Variants in GLI3 observed in about 807,000 individuals in gnomAD.
GLI3 encodes GLI family zinc finger 3, also known as transcription activator GLI3.
In GLI3, 20 loss-of-function variants were observed where a neutral mutation model predicts 100.8. The ratio of observed to expected loss-of-function variants is 0.20; its 90% CI spans 0.14 to 0.29. The LOEUF (loss-of-function observed/expected upper bound fraction) is 0.29. GLI3 is among the 10% of genes least tolerant of loss of function. The pLI, the probability that GLI3 is intolerant of heterozygous loss-of-function variation, is 1.00. For missense variants in GLI3, 2,040 were observed against 2,128.5 expected (o/e 0.96, Z 0.82); for synonymous variants, 938 against 860.5 (o/e 1.09, Z -1.58).
chr7:42,005,239 G>C (rs1788421017), intron 10 of GLI3, among the ~76,000 whole-genome samples: 1 of 152,022 alleles, frequency 6.6e-6, no homozygotes, highest in Admixed American at 6.6e-5. Flanking sequence ...ATAGTTATCT[G>C]AACCTTACCG....
chr7:42,258,720 T>C (rs1789111113), intron 1 of GLI3, among the ~76,000 whole-genome samples: 1 of 152,180 alleles, frequency 6.6e-6, no homozygotes, highest in African/African-American at 2.4e-5. Flanking sequence ...CATGACAGAA[T>C]GGGTGAGGGA....
intron 2 of GLI3, among the ~76,000 whole-genome samples, chr7:42,168,916 T>A (rs1199776467): frequency 6.6e-6 from 1 of 152,006 alleles, no homozygotes; most frequent in Non-Finnish European, 1.5e-5. Flanking sequence ...AAATCCTGTC[T>A]CAAAAAAATT....
chr7:42,089,205 C>T (rs570671613), intron 3 of GLI3, among the ~76,000 whole-genome samples: 1 of 152,142 alleles, frequency 6.6e-6, no homozygotes, highest in African/African-American at 2.4e-5. Context: ...CACATGGATG[C>T]GTAATAGTGG....
At chr7:42,146,805 T>C (rs1007913570) in intron 3 of GLI3, among the ~76,000 whole-genome samples, 6 of 152,190 alleles carry the variant, frequency 3.9e-5, no homozygotes, top group African/African-American at 1.4e-4. Flanking sequence ...CTTAGGAATG[T>C]GCTCAGAGAA....
chr7:42,183,556 C>T (rs1787659626), intron 2 of GLI3, among the ~76,000 whole-genome samples: 1 of 152,174 alleles, frequency 6.6e-6, no homozygotes, highest in Non-Finnish European at 1.5e-5. Context: ...AGTCAGAAAT[C>T]CATGCCCCTT....
intron 2 of GLI3, among the ~76,000 whole-genome samples, chr7:42,218,616 T>C (rs1289474281): frequency 6.6e-6 from 1 of 151,798 alleles, no homozygotes; most frequent in Non-Finnish European, 1.5e-5. Context: ...CTTACCAACC[T>C]TGAAGAAAAT....
intron 10 of GLI3, among the ~76,000 whole-genome samples, chr7:41,979,511 A>C (rs1174350953): frequency 6.6e-6 from 1 of 152,246 alleles, no homozygotes. Context: ...ATTACTTACC[A>C]ATTCATGGTT....
At position 42,261,222 on chromosome 7, in the gene GLI3, C is replaced by CAA. The variant is rs1424543513; in HGVS notation, c.-43+2770_-43+2771dup. Among the ~76,000 whole-genome samples, 22 of 140,684 alleles carry CAA rather than the reference C, an allele frequency of 1.6e-4. No individual in the cohort carries two copies. In the East Asian group the frequency reaches 4.0e-3, roughly 26 times the overall value. The allele number at this position is 140,684 out of a possible 152,430, so 92.3% of individuals were successfully genotyped here. ...ACAAACACACACACACACACACACA[C>CAA]AACACACACACAGAGAGAGATTATG... On this transcript the variant is annotated intron_variant, in intron 1 of 2. Transcript: ENST00000678978.
intron 1 of GLI3, among the ~76,000 whole-genome samples, chr7:42,250,774 T>C (rs982811240): frequency 3.0e-4 from 45 of 152,152 alleles, no homozygotes; most frequent in African/African-American, 1.0e-3. Flanking sequence ...GTGGGGGGGC[T>C]GCCATTTTCC....
At chr7:42,122,020 C>T (rs1786012873) in intron 3 of GLI3, among the ~76,000 whole-genome samples, 1 of 152,086 alleles carries the variant, frequency 6.6e-6, no homozygotes, top group Non-Finnish European at 1.5e-5. Context: ...CATTACCTCC[C>T]AGGCTTCCAC....
intron 9 of GLI3, among the ~76,000 whole-genome samples, chr7:42,024,637 T>A (rs1270992960): frequency 6.6e-6 from 1 of 152,138 alleles, no homozygotes; most frequent in Non-Finnish European, 1.5e-5. Flanking sequence ...GATGATATTA[T>A]GGGTATAACC....
rs938059841 is a variant in GLI3 at position 42,009,694 on chromosome 7, C to T, written c.1497+13774G>A. Among the ~76,000 whole-genome samples the T allele has an allele frequency of 2.6e-5, 4 of 152,280 alleles. No individual in the cohort carries two copies. The East Asian group carries it at 5.8e-4, about 22-fold the overall frequency. ...GAAGCCCCAGGAGAACGGGTCTCAT[C>T]GGCGTCATCACTGTCCTCTCAGTTC... On this transcript the variant is annotated intron_variant, in intron 10 of 14. Transcript: ENST00000395925.
chr7:41,965,942 A>G lies in GLI3; in HGVS notation c.3131T>C (p.Leu1044Pro), dbSNP rs1372313472. 6.2e-7 allele frequency: 1 copy of G among 1,612,504 alleles called. No individual in the cohort carries two copies. Among genetic ancestry groups the G allele is most frequent in the Non-Finnish European group, 8.5e-7 (1 of 1,179,824 alleles). ...GGGCCGCGTGTAATTCTGAAGCACGAGACTGCGCTTCTCCGCGGACGTGGC... is the reference window on the plus strand; with the variant it reads ...GGGCCGCGTGTAATTCTGAAGCACGGGACTGCGCTTCTCCGCGGACGTGGC... ...AMATSAEKRS[L>P]VLQNYTRPEG... Residue 1044 changes from leucine (L) to proline (P), a missense_variant, in exon 15 of 15, where the codon CTC becomes CCC. Transcript: ENST00000395925.
intron 2 of GLI3, among the ~76,000 whole-genome samples, chr7:42,177,246 T>C (rs977699367): frequency 3.3e-5 from 5 of 151,916 alleles, no homozygotes; most frequent in Admixed American, 1.3e-4. Context: ...ACATCAAATA[T>C]TGAGAAATAT....
intron 2 of GLI3, among the ~76,000 whole-genome samples, chr7:42,191,404 T>C (rs374035971): frequency 6.6e-6 from 1 of 152,120 alleles, no homozygotes; most frequent in African/African-American, 2.4e-5. Context: ...TTGAATTCAT[T>C]GATTCATCCT....
intron 6 of GLI3, among the ~76,000 whole-genome samples, chr7:42,041,090 A>C (rs1436440499): frequency 1.3e-5 from 2 of 152,242 alleles, no homozygotes; most frequent in African/African-American, 4.8e-5. Context: ...AGATTTTCCA[A>C]GGCAGAGGAG....
chr7:42,090,553 T>C (rs923190784), intron 3 of GLI3, among the ~76,000 whole-genome samples: 3 of 152,172 alleles, frequency 2.0e-5, no homozygotes, highest in African/African-American at 7.2e-5. Flanking sequence ...TATGTGGGTG[T>C]CTTCAGCTTT....
chr7:42,040,371 C>T (rs964038994), intron 6 of GLI3, 132 bp from the exon 7 acceptor site: 21 of 720,864 alleles, frequency 2.9e-5, no homozygotes, highest in Non-Finnish European at 4.8e-5. Context: ...ACCTCTCCTC[C>T]CCCATGTGAT....
chr7:42,063,481 T>G (rs1171153397), intron 4 of GLI3, among the ~76,000 whole-genome samples: 1 of 152,176 alleles, frequency 6.6e-6, no homozygotes, highest in East Asian at 1.9e-4. Flanking sequence ...CATGTATCAT[T>G]CCAGCACATG....
Sources: gnomAD v4.1 joint callset for allele counts (sites outside exome capture counted in the v4.1 genomes callset) on GRCh38, gnomAD v4.1.1 for gene constraint, MANE v1.5 for transcripts, NCBI Gene and HGNC (gene_info 2026-07-23, HGNC 2026-07-21) for gene names.